SZT2: variants seen among roughly 807,000 people sequenced by gnomAD.
SZT2 encodes KICSTOR complex protein SZT2.
In SZT2, 216 loss-of-function variants were observed where a neutral mutation model predicts 404.2. That is an observed-to-expected ratio of 0.53 (90% CI 0.48 to 0.60). SZT2 has a LOEUF of 0.60. Among genes scored for constraint, SZT2 ranks in the 20% least tolerant of loss-of-function variants. The probability of loss-of-function intolerance (pLI) is 0.00; values close to 1 mark genes in which losing one functional copy is unlikely to be tolerated. For missense variants in SZT2, 3,857 were observed against 4,459.2 expected, an observed-to-expected ratio of 0.86 and a Z score of 3.85; for synonymous variants, 1,693 against 1,749.9, an observed-to-expected ratio of 0.97 and a Z score of 0.81.
At position 43,453,834 on chromosome 1, in the gene SZT2, AGGCGGCGGGCGGCGGGCGGCG is replaced by A. The variant is rs534101178; in HGVS notation, c.*3367_*3387del. 15 of 1,194,514 alleles carry A rather than the reference AGGCGGCGGGCGGCGGGCGGCG, an allele frequency of 1.3e-5. No individual in the cohort carries two copies. The highest frequency in any genetic ancestry group is 3.2e-4 in the Middle Eastern group (1 of 3,100). The allele number at this position is 1,194,514 out of a possible 1,614,324, so 74.0% of individuals were successfully genotyped here. A position where few individuals can be genotyped will look rare whatever the true frequency, so the allele number is the denominator to read the frequency against. On this transcript the variant is annotated 3_prime_UTR_variant, in exon 72 of 72. Coordinates refer to ENST00000634258, the MANE Select transcript of SZT2 (RefSeq NM_001365999.1). ...GCCGGGCGGAGTCCGCGGGATCCAA[AGGCGGCGGGCGGCGGGCGGCG>A]GGCGGCGGGCGGGGGCGGGGCTCTC...
chr1:43,428,585 T>C, intron 28 of SZT2, 99 bp downstream of exon 28: 2 of 1,484,886 alleles, frequency 1.3e-6, no homozygotes, highest in South Asian at 1.3e-5. Context: ...CAAGGTAGTA[T>C]CTAAGCACCT....
At position 43,420,051 on chromosome 1, in the gene SZT2, C is replaced by T; in HGVS notation, c.1091-102C>T. Reference sequence around the variant, plus strand: ...GTGTAACTGGGGCTGGCTCTGCTGGCACTGTTACCTCACAGTCATTTCAGC... The same window carrying T: ...GTGTAACTGGGGCTGGCTCTGCTGGTACTGTTACCTCACAGTCATTTCAGC... On this transcript the variant is annotated intron_variant, in intron 8 of 71. Transcript: ENST00000634258. This position sits in a 1 kb window ranked among gnomAD's most constrained non-coding sequence, Gnocchi z 5.1. The T allele has an allele frequency of 6.4e-7, 1 of 1,560,756 alleles. No individual in the cohort carries two copies. Among genetic ancestry groups the T allele is most frequent in the Admixed American group, 1.7e-5 (1 of 58,772 alleles).
intron 28 of SZT2, 120 bp from the exon 29 acceptor site, chr1:43,429,583 T>G (rs1653604862): frequency 7.9e-7 from 1 of 1,262,484 alleles, no homozygotes; most frequent in East Asian, 2.3e-5. Flanking sequence ...CCCATGCCAT[T>G]ACGCTAAGTA....
At position 43,451,696 on chromosome 1, in the gene SZT2, T is replaced by TC; in HGVS notation, c.*1216_*1217insC. ...ATGTTTCCTGTCAGGTTCCCATCCA[T>TC]GATCTGCCAGTGGAATATGTCCTAG... On this transcript the variant is annotated 3_prime_UTR_variant, in exon 72 of 72. Transcript: ENST00000634258. The TC allele has an allele frequency of 1.2e-6, 2 of 1,614,158 alleles. No homozygotes were observed. Among genetic ancestry groups the TC allele is most frequent in the Non-Finnish European group, 1.7e-6 (2 of 1,180,000 alleles).
chr1:43,407,061 A>G (rs1286666064), intron 4 of SZT2, among the ~76,000 whole-genome samples: 1 of 152,238 alleles, frequency 6.6e-6, no homozygotes, highest in Non-Finnish European at 1.5e-5. Flanking sequence ...TCTGGATGGG[A>G]GAATAGGCGA....
At chr1:43,403,959 C>T (rs1412546244) in intron 3 of SZT2, 185 bp downstream of exon 3, 11 of 684,838 alleles carry the variant, frequency 1.6e-5, no homozygotes, top group Non-Finnish European at 2.6e-5. Context: ...CCTACAATCC[C>T]AGTGCTTTGG....
chr1:43,436,980 T>C, intron 42 of SZT2, 191 bp from the exon 43 acceptor site: 1 of 666,978 alleles, frequency 1.5e-6, no homozygotes, highest in Non-Finnish European at 2.5e-6. Flanking sequence ...CTTTGTGCTA[T>C]ATGACCTGTG....
rs147021930 is a variant in SZT2 at position 43,450,221 on chromosome 1, C to G, written c.10155+50C>G. 20 of 1,613,910 alleles carry G rather than the reference C, an allele frequency of 1.2e-5. No individual in the cohort carries two copies. Among genetic ancestry groups the G allele is most frequent in the Non-Finnish European group, 1.7e-5 (20 of 1,179,794 alleles). ...GTCAGCCTCATGGGAGGCCGTACCC[C>G]AAATGCTCCACCTCGGAGCCTGCTG... On this transcript the variant is annotated intron_variant, in intron 71 of 71. Transcript: ENST00000634258. This position sits in a 1 kb window ranked among gnomAD's most constrained non-coding sequence, Gnocchi z 4.3.
In SZT2 at chr1:43,422,503, C is replaced by A. The variant is rs781774313; in HGVS notation, c.1793C>A (p.Thr598Asn). The A allele has an allele frequency of 1.3e-6, 2 of 1,593,874 alleles. No individual in the cohort carries two copies. The highest frequency in any genetic ancestry group is 2.2e-5 in the East Asian group (1 of 44,868). The change falls in exon 13 of 72, where the codon ACC becomes AAC. Residue 598 changes from threonine to asparagine, a missense_variant. Coordinates refer to ENST00000634258, the MANE Select transcript of SZT2 (RefSeq NM_001365999.1). ...HDTPIPKHLHTPGSNGRYSTI... is the reference protein window; with the variant it reads ...HDTPIPKHLHNPGSNGRYSTI... ...AGACCAATCCCCAAGCACTTGCACA[C>A]CCCGGGCAGCAATGGGCGCTACAGC...
chr1:43,430,991 G>T lies in SZT2; in HGVS notation c.4817G>T (p.Arg1606Leu), dbSNP rs1471308449. ...SSLEGPPVGG[R>L]VPLRDLSVTL... ...CTGGAGGGCCCCCCAGTTGGAGGCC[G>T]AGTTCCCTTGAGGGACCTCAGTGTG... The change falls in exon 33 of 72, where the codon CGA becomes CTA. Residue 1606 changes from arginine to leucine, a missense_variant. By Grantham distance (102) the Arg-to-Leu change is moderately radical. This residue lies in a region of SZT2 where 1,725 missense variants were observed against 1,881.0 expected (regional missense o/e 0.92). Coordinates refer to ENST00000634258, the MANE Select transcript of SZT2 (RefSeq NM_001365999.1). 1.2e-6 allele frequency: 2 copies of T among 1,613,990 alleles called. No individual in the cohort carries two copies. Among genetic ancestry groups the T allele is most frequent in the African/African-American group, 2.7e-5 (2 of 74,910 alleles).
chr1:43,442,056 C>T lies in SZT2; in HGVS notation c.7799C>T (p.Pro2600Leu), dbSNP rs543595207. 8.7e-6 allele frequency: 14 copies of T among 1,614,146 alleles called. No individual in the cohort carries two copies. The highest frequency in any genetic ancestry group is 3.3e-5 in the Admixed American group (2 of 60,014). Reference protein sequence around the residue: ...PCSPGQLGPSPRPAAERHLLL... With the variant: ...PCSPGQLGPSLRPAAERHLLL... ...TCCCCTGGGCAACTGGGCCCCTCTCCCCGCCCTGCAGCTGAGCGGCATCTG... is the reference window on the plus strand; with the variant it reads ...TCCCCTGGGCAACTGGGCCCCTCTCTCCGCCCTGCAGCTGAGCGGCATCTG... The change falls in exon 56 of 72, where the codon CCC becomes CTC. Residue 2600 changes from proline (P) to leucine (L), a missense_variant. Around this residue, in one of 7 missense-constraint regions of SZT2, gnomAD observed 573 missense variants for 592.4 expected, o/e 0.97. Transcript: ENST00000634258. The surrounding 1 kb of genome is among the most constrained non-coding windows in gnomAD (Gnocchi z 4.5).
At chr1:43,400,357 C>A (rs1208651295) in intron 1 of SZT2, among the ~76,000 whole-genome samples, 3 of 152,088 alleles carry the variant, frequency 2.0e-5, no homozygotes, top group Non-Finnish European at 4.4e-5. Context: ...GCTCATTACC[C>A]CCATTGTGCT....
At chr1:43,419,989 A>G (rs368532190) in intron 8 of SZT2, 45 bp downstream of exon 8, 9 of 1,593,618 alleles carry the variant, frequency 5.6e-6, no homozygotes, top group African/African-American at 2.7e-5. Context: ...GGAATATAGA[A>G]TGGGCCCAGA....
Position 43,453,708 on chromosome 1 carries a change from C to G in SZT2, c.*3228C>G, listed in dbSNP as rs1242610355. On this transcript the variant is annotated 3_prime_UTR_variant, in exon 72 of 72. Coordinates refer to ENST00000634258, the MANE Select transcript of SZT2 (RefSeq NM_001365999.1). ...CACCTCGACGGCCTCGAAGCCCGAG[C>G]TGCCCGCGGCCCGCACCCGCGCGGG... 4.9e-6 allele frequency: 7 copies of G among 1,417,076 alleles called. No homozygotes were observed. The highest frequency in any genetic ancestry group is 6.4e-6 in the Non-Finnish European group (7 of 1,095,576). 87.8% of individuals were successfully genotyped at this position (1,417,076 alleles called of 1,614,324 possible). A position where few individuals can be genotyped will look rare whatever the true frequency, so the allele number is the denominator to read the frequency against.
In SZT2 at chr1:43,425,984, G is replaced by A; in HGVS notation, c.2929+35G>A. On this transcript the variant is annotated intron_variant, in intron 20 of 71. Coordinates refer to ENST00000634258, the MANE Select transcript of SZT2 (RefSeq NM_001365999.1). The surrounding 1 kb of genome is among the most constrained non-coding windows in gnomAD (Gnocchi z 4.3). The stretch of plus-strand genomic sequence containing the variant: ...GCAGGCGGCCCACTGGTGGAGCAGG[G>A]GAGTGGGTAGGGTAATCTGCGTCTC... 1 of 1,612,200 alleles carries A rather than the reference G, an allele frequency of 6.2e-7. No individual in the cohort carries two copies. Among genetic ancestry groups the A allele is most frequent in the East Asian group, 2.2e-5 (1 of 44,848 alleles).
Position 43,450,831 on chromosome 1 carries a change from C to T in SZT2, c.*351C>T, listed in dbSNP as rs772852836. The T allele has an allele frequency of 1.4e-6, 1 of 709,348 alleles. No homozygotes were observed. The highest frequency in any genetic ancestry group is 2.6e-6 in the Non-Finnish European group (1 of 382,558). The allele number at this position is 709,348 out of a possible 1,614,324, so 43.9% of individuals were successfully genotyped here. A position where few individuals can be genotyped will look rare whatever the true frequency, so the allele number is the denominator to read the frequency against. On this transcript the variant is annotated 3_prime_UTR_variant, in exon 72 of 72. Transcript: ENST00000634258. This position sits in a 1 kb window ranked among gnomAD's most constrained non-coding sequence, Gnocchi z 4.3. ...CTAGAGCTCCTCTGCCTGAATCCTG[C>T]CCCCTAGCCTTTGACCACTGTCAGC...
chr1:43,452,250 G>C lies in SZT2; in HGVS notation c.*1770G>C, dbSNP rs777397095. On this transcript the variant is annotated 3_prime_UTR_variant, in exon 72 of 72. Transcript: ENST00000634258. ...CATGCCTCAGGTTCTCCAGAAAAAC[G>C]GCCTCCATCTCAGCCTTGACTGCTA... is the stretch of plus-strand genomic sequence containing the variant. 1 of 1,613,980 alleles carries C rather than the reference G, an allele frequency of 6.2e-7. No individual in the cohort carries two copies. The highest frequency in any genetic ancestry group is 1.7e-5 in the Admixed American group (1 of 59,990).
In SZT2 at chr1:43,450,493, G is replaced by A. The variant is rs985065460; in HGVS notation, c.*13G>A. ...CCGCCTCCTCTGAGGGAGTGGACTGGACCACTGAATGTCACTGTTCCTTGA... is the reference window on the plus strand; with the variant it reads ...CCGCCTCCTCTGAGGGAGTGGACTGAACCACTGAATGTCACTGTTCCTTGA... On this transcript the variant is annotated 3_prime_UTR_variant, in exon 72 of 72. Coordinates refer to ENST00000634258, the MANE Select transcript of SZT2 (RefSeq NM_001365999.1). This position sits in a 1 kb window ranked among gnomAD's most constrained non-coding sequence, Gnocchi z 4.3. 2.1e-5 allele frequency: 34 copies of A among 1,613,820 alleles called. No individual in the cohort carries two copies. Among genetic ancestry groups the A allele is most frequent in the Non-Finnish European group, 2.9e-5 (34 of 1,179,952 alleles).
rs369202426 is a variant in SZT2, at chr1:43,451,552, C to T, written c.*1072C>T. 7.4e-6 allele frequency: 12 copies of T among 1,613,414 alleles called. No homozygotes were observed. In the Admixed American group the frequency reaches 1.5e-4, roughly 20 times the overall value. On this transcript the variant is annotated 3_prime_UTR_variant, in exon 72 of 72. Transcript: ENST00000634258. ...GTGCCACCTGCACATGCCCTGGGGA[C>T]AGATGTGGACAAATGTGGGGTCCAG...
Sources: gnomAD v4.1 joint callset for allele counts (sites outside exome capture counted in the v4.1 genomes callset) on GRCh38, gnomAD v4.1.1 for gene constraint, gnomAD v4.1.1 regional missense constraint, Gnocchi (gnomAD v3.1) non-coding constraint, MANE v1.5 for transcripts, NCBI Gene and HGNC (gene_info 2026-07-23, HGNC 2026-07-21) for gene names.